The following CHN1 variants were observed in gnomAD, a reference collection of about 807,000 sequenced individuals.
CHN1 encodes the protein N-chimaerin.
Under a neutral mutation model 59.5 loss-of-function variants are expected in CHN1, and 37 were observed. The ratio of observed to expected loss-of-function variants is 0.62; its 90% CI spans 0.48 to 0.82. CHN1 has a LOEUF of 0.82. Among genes scored for constraint, CHN1 ranks in the 40% least tolerant of loss-of-function variants. CHN1 has a pLI of 0.00. For synonymous variants in CHN1, 206 were observed against 200.4 expected (o/e 1.03, Z -0.24); for missense variants, 469 against 571.0 (o/e 0.82, Z 1.82).
At chr2:174,981,262 A>G (rs138058809) in intron 1 of CHN1, among the ~76,000 whole-genome samples, 2 of 152,266 alleles carry the variant, frequency 1.3e-5, no homozygotes, top group African/African-American at 2.4e-5. Context: ...ATAAACAAAG[A>G]GATGTGAGAT....
intron 3 of CHN1, among the ~76,000 whole-genome samples, chr2:174,921,191 T>C (rs764940765): frequency 1.2e-4 from 18 of 152,170 alleles, no homozygotes; most frequent in African/African-American, 2.9e-4. Flanking sequence ...GGCCTGGGGA[T>C]TGGGGACACC....
chr2:174,947,373 G>A (rs1284728423), intron 2 of CHN1, among the ~76,000 whole-genome samples: 4 of 151,658 alleles, frequency 2.6e-5, no homozygotes, highest in African/African-American at 4.8e-5. Flanking sequence ...CCTTCTAATC[G>A]TCTCAAAGGA....
At chr2:174,900,462 C>A (rs1224597146) in intron 5 of CHN1, among the ~76,000 whole-genome samples, 3 of 152,064 alleles carry the variant, frequency 2.0e-5, no homozygotes, top group Non-Finnish European at 4.4e-5. Flanking sequence ...TATGATCATA[C>A]TCCAGGCTAG....
At chr2:174,901,025 G>C (rs1688375135) in intron 5 of CHN1, among the ~76,000 whole-genome samples, 1 of 152,052 alleles carries the variant, frequency 6.6e-6, no homozygotes, top group Non-Finnish European at 1.5e-5. Context: ...AAAATATATA[G>C]GGCAATGGAC....
intron 8 of CHN1, among the ~76,000 whole-genome samples, chr2:174,823,018 G>A (rs1574056841): frequency 6.6e-6 from 1 of 152,148 alleles, no homozygotes; most frequent in Non-Finnish European, 1.5e-5. Context: ...AAAGAAGAGC[G>A]ACTTGGAACA....
intron 11 of CHN1, among the ~76,000 whole-genome samples, chr2:174,808,576 C>T (rs553715193): frequency 6.6e-6 from 1 of 151,258 alleles, no homozygotes; most frequent in South Asian, 2.1e-4. Context: ...TGAGCCACTG[C>T]CAGCCTGGTT....
At chr2:174,930,064 T>C (rs760535964) in intron 3 of CHN1, among the ~76,000 whole-genome samples, 1 of 152,206 alleles carries the variant, frequency 6.6e-6, no homozygotes, top group Non-Finnish European at 1.5e-5. Flanking sequence ...TTTTATCCAG[T>C]CGATGGCCTA....
intron 7 of CHN1, among the ~76,000 whole-genome samples, chr2:174,844,578 G>C (rs956220321): frequency 2.0e-5 from 3 of 152,150 alleles, no homozygotes; most frequent in Admixed American, 2.0e-4. Context: ...GAAATGCTAC[G>C]GTTTTTCCCC....
intron 5 of CHN1, among the ~76,000 whole-genome samples, chr2:174,905,810 G>A (rs1257554957): frequency 3.9e-5 from 6 of 151,974 alleles, no homozygotes; most frequent in East Asian, 1.9e-4. Flanking sequence ...TACCCGCTTC[G>A]GCCTCCCAAA....
At chr2:174,884,183 G>A (rs1687824710) in intron 5 of CHN1, among the ~76,000 whole-genome samples, 1 of 151,896 alleles carries the variant, frequency 6.6e-6, no homozygotes, top group Non-Finnish European at 1.5e-5. Context: ...ATGTTAACCA[G>A]GATGGTCTCG....
chr2:174,937,416 T>C (rs1328152687), intron 3 of CHN1, among the ~76,000 whole-genome samples: 1 of 152,220 alleles, frequency 6.6e-6, no homozygotes, highest in East Asian at 1.9e-4. Context: ...CCTATCATTG[T>C]AAGTAAGCAT....
chr2:174,813,867 T>C (rs901253735), intron 8 of CHN1, among the ~76,000 whole-genome samples: 3 of 152,200 alleles, frequency 2.0e-5, no homozygotes, highest in African/African-American at 7.2e-5. Flanking sequence ...CTCACAAAAT[T>C]GTTTTGAGAA....
chr2:174,808,030 C>A (rs1460706161), intron 11 of CHN1, among the ~76,000 whole-genome samples: 1 of 152,190 alleles, frequency 6.6e-6, no homozygotes, highest in African/African-American at 2.4e-5. Context: ...ATGATTTTTA[C>A]AGCATAAATG....
At chr2:174,897,683 T>C (rs1162911184) in intron 5 of CHN1, among the ~76,000 whole-genome samples, 1 of 151,978 alleles carries the variant, frequency 6.6e-6, no homozygotes, top group Non-Finnish European at 1.5e-5. Context: ...ACAAGCAAAC[T>C]CATAACTTGA....
At chr2:174,885,003 A>G (rs2105340630) in intron 5 of CHN1, among the ~76,000 whole-genome samples, 1 of 152,042 alleles carries the variant, frequency 6.6e-6, no homozygotes, top group East Asian at 1.9e-4. Flanking sequence ...ATACACAGAA[A>G]TTAGCCGGGC....
intron 1 of CHN1, among the ~76,000 whole-genome samples, chr2:174,962,738 G>A (rs916935415): frequency 9.1e-5 from 12 of 131,604 alleles, no homozygotes; most frequent in South Asian, 2.8e-4. Context: ...GGTGAAACCC[G>A]GCCTCTACTA....
rs186940554 is a variant in CHN1 at position 174,808,798 on chromosome 2, A to T, written c.1102+107T>A. On this transcript the variant is annotated intron_variant, in intron 11 of 12. Coordinates refer to ENST00000409900, the MANE Select transcript of CHN1 (RefSeq NM_001822.7). ...AAGTACATTAACCATAGAGAGAGGC[A>T]AAGGGGAAACATTTCATAAAATGCA... The T allele has an allele frequency of 7.4e-6, 9 of 1,217,622 alleles. No individual in the cohort carries two copies. In the African/African-American group the frequency reaches 1.2e-4, roughly 16 times the overall value. The allele number at this position is 1,217,622 out of a possible 1,614,324, so 75.4% of individuals were successfully genotyped here.
Position 174,824,447 on chromosome 2 carries a change from T to C in CHN1, c.699A>G (p.Gly233=). 6.2e-7 allele frequency: 1 copy of C among 1,603,906 alleles called. No individual in the cohort carries two copies. Among genetic ancestry groups the C allele is most frequent in the Non-Finnish European group, 8.5e-7 (1 of 1,175,698 alleles). The change falls in exon 8 of 13, where the codon GGA becomes GGG. Residue 233 remains glycine, a synonymous_variant. Coordinates refer to ENST00000409900, the MANE Select transcript of CHN1 (RefSeq NM_001822.7). ...ANFMWGLIAQ[G]VKCADCGLNV... is the part of the protein sequence containing the mutation. ...AAGAGCTCTTACCTGCACATTTCAC[T>C]CCCTGAGCAATGAGACCCCACATAA...
chr2:174,878,601 A>T (rs1292390385), intron 5 of CHN1, among the ~76,000 whole-genome samples: 2 of 152,236 alleles, frequency 1.3e-5, no homozygotes, highest in Non-Finnish European at 2.9e-5. Context: ...GGCTAACCAG[A>T]ATATGATGCC....
Sources: gnomAD v4.1 joint callset for allele counts (sites outside exome capture counted in the v4.1 genomes callset) on GRCh38, gnomAD v4.1.1 for gene constraint, MANE v1.5 for transcripts, NCBI Gene and HGNC (gene_info 2026-07-23, HGNC 2026-07-21) for gene names.